The following PDE10A variants were observed in gnomAD, a reference collection of about 807,000 sequenced individuals.
The protein encoded by PDE10A is cAMP and cAMP-inhibited cGMP 3',5'-cyclic phosphodiesterase 10A.
Under a neutral mutation model 97.7 loss-of-function variants are expected in PDE10A, and 39 were observed. The observed-to-expected ratio is 0.40, with a 90% CI of 0.31 to 0.52. The LOEUF is 0.52. Ranked by LOEUF, PDE10A falls within the 20% of genes least tolerant of loss-of-function variation. The pLI, the probability that PDE10A is intolerant of heterozygous loss-of-function variation, is 0.56. For missense variants in PDE10A, 731 were observed against 1,047.8 expected (o/e 0.70, Z 4.17); for synonymous variants, 371 against 376.8 (o/e 0.98, Z 0.18).
At chr6:165,475,189 C>T (rs1169782281) in intron 3 of PDE10A, among the ~76,000 whole-genome samples, 2 of 152,052 alleles carry the variant, frequency 1.3e-5, no homozygotes, top group African/African-American at 4.8e-5. Context: ...AACCTTCTTG[C>T]CCTCCTGATA....
chr6:165,502,062 G>A (rs1397419562), intron 2 of PDE10A, among the ~76,000 whole-genome samples: 1 of 152,166 alleles, frequency 6.6e-6, no homozygotes, highest in African/African-American at 2.4e-5. Flanking sequence ...TCAACAAATG[G>A]TGCTGGAAGA....
chr6:165,782,937 T>C (rs1778383633), intron 1 of PDE10A, among the ~76,000 whole-genome samples: 1 of 152,198 alleles, frequency 6.6e-6, no homozygotes, highest in South Asian at 2.1e-4. Context: ...TATGCACAAA[T>C]ACAGATGTTT....
intron 1 of PDE10A, among the ~76,000 whole-genome samples, chr6:165,964,868 G>T (rs537209200): frequency 1.3e-5 from 2 of 152,306 alleles, no homozygotes; most frequent in East Asian, 3.9e-4. Flanking sequence ...AAATCAAGGA[G>T]CACTTTATAA....
intron 1 of PDE10A, among the ~76,000 whole-genome samples, chr6:165,812,448 C>G (rs34588164): frequency 0.09 from 13,715 of 151,844 alleles, 696 homozygotes; most frequent in Non-Finnish European, 0.12. Flanking sequence ...AAAAAAGTGT[C>G]CTCTCATTAA....
chr6:165,644,093 TCG>T (rs1789274784), intron 1 of PDE10A, among the ~76,000 whole-genome samples: 1 of 152,194 alleles, frequency 6.6e-6, no homozygotes, highest in Non-Finnish European at 1.5e-5. Context: ...TCTCCCTCTG[TCG>T]CCCAGGCTGG....
intron 15 of PDE10A, among the ~76,000 whole-genome samples, chr6:165,394,482 G>T (rs1407533987): frequency 1.3e-5 from 2 of 152,082 alleles, no homozygotes; most frequent in Admixed American, 6.6e-5. Context: ...GGGCATTTGG[G>T]TTGGTTCCAA....
chr6:165,391,304 T>C (rs879811286), intron 16 of PDE10A, among the ~76,000 whole-genome samples: 11 of 152,242 alleles, frequency 7.2e-5, no homozygotes, highest in Non-Finnish European at 1.2e-4. Context: ...TGTAATGATA[T>C]AATTCCAAAA....
upstream of PDE10A, among the ~76,000 whole-genome samples, chr6:165,664,533 C>G (rs1790447420): frequency 6.6e-6 from 1 of 152,136 alleles, no homozygotes; most frequent in South Asian, 2.1e-4. Context: ...GGTCAGAATC[C>G]CTACATTTGT....
intron 1 of PDE10A, among the ~76,000 whole-genome samples, chr6:165,615,228 G>A (rs952321077): frequency 1.7e-4 from 25 of 145,192 alleles, no homozygotes; most frequent in Non-Finnish European, 3.0e-5. Context: ...AAAAAAGAAA[G>A]AAAGAAAGAA....
At chr6:165,550,111 C>T (rs2128328421) in intron 1 of PDE10A, among the ~76,000 whole-genome samples, 1 of 152,232 alleles carries the variant, frequency 6.6e-6, no homozygotes, top group South Asian at 2.1e-4. Context: ...CATCACAGTG[C>T]TTTTACATGC....
At chr6:165,438,956 TAAAAA>T (rs10711465) in intron 5 of PDE10A, among the ~76,000 whole-genome samples, 2 of 132,790 alleles carry the variant, frequency 1.5e-5, no homozygotes, top group East Asian at 2.2e-4. Flanking sequence ...AGACCCTGCT[TAAAAA>T]AAAAAAAAAA....
chr6:165,805,099 G>T (rs541537099), intron 1 of PDE10A, among the ~76,000 whole-genome samples: 56 of 150,306 alleles, frequency 3.7e-4, no homozygotes, highest in African/African-American at 1.2e-3. Context: ...CGGGGCCTGG[G>T]GTCGAGCAGA....
intron 1 of PDE10A, among the ~76,000 whole-genome samples, chr6:165,746,658 G>C (rs1248378110): frequency 6.6e-6 from 1 of 152,222 alleles, no homozygotes; most frequent in African/African-American, 2.4e-5. Flanking sequence ...GGCAAGAAGA[G>C]CAGAGGGCCT....
intron 13 of PDE10A, among the ~76,000 whole-genome samples, chr6:165,411,796 C>T (rs1294431290): frequency 6.6e-6 from 1 of 152,032 alleles, no homozygotes; most frequent in East Asian, 1.9e-4. Flanking sequence ...AAGAGAGAGA[C>T]AGAGAAAGTA....
chr6:165,631,368 T>C lies in PDE10A; in HGVS notation c.865+30579A>G, dbSNP rs569178028. On this transcript the variant is annotated intron_variant, in intron 1 of 21. Transcript: ENST00000539869. ...TACATGCGTATAAAATAAACCATTT[T>C]TAAAGAAAAGTAACTGAAGTTGCTA... 2.0e-4 allele frequency among the ~76,000 whole-genome samples: 31 copies of C among 152,318 alleles called. No homozygotes were observed. The South Asian group carries it at 6.0e-3, about 30-fold the overall frequency.
intron 1 of PDE10A, among the ~76,000 whole-genome samples, chr6:165,672,426 A>T (rs1790673186): frequency 6.6e-6 from 1 of 152,232 alleles, no homozygotes; most frequent in Non-Finnish European, 1.5e-5. Context: ...ATTTTATAAT[A>T]AAGTGTTCAA....
chr6:165,595,943 G>A (rs767777653), intron 1 of PDE10A, among the ~76,000 whole-genome samples: 1 of 152,174 alleles, frequency 6.6e-6, no homozygotes, highest in Non-Finnish European at 1.5e-5. Context: ...TATGAATTTT[G>A]GGGCTGGGGA....
intron 19 of PDE10A, among the ~76,000 whole-genome samples, chr6:165,341,444 G>A (rs994160664): frequency 5.9e-5 from 9 of 152,140 alleles, no homozygotes; most frequent in Admixed American, 3.3e-4. Flanking sequence ...ACAGTCTATA[G>A]TTATGCCTTT....
intron 1 of PDE10A, among the ~76,000 whole-genome samples, chr6:165,861,514 G>C (rs1375193123): frequency 6.6e-6 from 1 of 151,982 alleles, no homozygotes; most frequent in East Asian, 1.9e-4. Flanking sequence ...GAGGGCCCCA[G>C]TAGGGTCTCC....
Sources: allele counts gnomAD v4.1 joint callset (sites outside exome capture counted in the v4.1 genomes callset), GRCh38; gene constraint gnomAD v4.1.1; transcripts MANE v1.5; gene names NCBI Gene and HGNC (gene_info 2026-07-23, HGNC 2026-07-21).